POLA2: variants seen among roughly 807,000 people sequenced by gnomAD.
The protein encoded by POLA2 is DNA polymerase alpha subunit B.
A neutral mutation model predicts 82.8 loss-of-function variants in POLA2; 47 were observed. The observed-to-expected ratio is 0.57, with a 90% confidence interval of 0.45 to 0.72. The LOEUF is 0.72. Among genes scored for constraint, POLA2 ranks in the 30% least tolerant of loss-of-function variants. The pLI, the probability that POLA2 is intolerant of heterozygous loss-of-function variation, is 0.00. For missense variants in POLA2, 634 were observed against 728.1 expected (o/e 0.87, Z 1.49); for synonymous variants, 287 against 286.8 (o/e 1.00, Z -0.01).
rs1323918007 is a variant in POLA2 at position 65,278,760 on chromosome 11, A to T, written c.492A>T (p.Arg164=). ...SATPSQKYNS[R]SNRGEVVTSF... ...CTCCCTCCCAGAAATACAACTCACGAAGTAACCGAGGAGAAGTGGTTACCT... is the reference window on the plus strand; with the variant it reads ...CTCCCTCCCAGAAATACAACTCACGTAGTAACCGAGGAGAAGTGGTTACCT... The change falls in exon 6 of 18, where the codon CGA becomes CGT. Residue 164 remains arginine (R), a synonymous_variant. Coordinates refer to ENST00000265465, the MANE Select transcript of POLA2 (RefSeq NM_002689.4). The T allele has an allele frequency of 1.7e-5, 28 of 1,613,682 alleles. No individual in the cohort carries two copies. Among genetic ancestry groups the T allele is most frequent in the Non-Finnish European group, 2.4e-5 (28 of 1,179,952 alleles).
At chr11:65,285,651 G>C (rs558880708) in intron 10 of POLA2, among the ~76,000 whole-genome samples, 13 of 152,110 alleles carry the variant, frequency 8.5e-5, no homozygotes, top group African/African-American at 3.1e-4. Context: ...CTGGTATTAG[G>C]TCAACTTCAG....
Position 65,268,593 on chromosome 11 carries a change from C to T in POLA2, c.297-79C>T, listed in dbSNP as rs987250063. 22 of 833,534 alleles carry T rather than the reference C, an allele frequency of 2.6e-5. 1 individual carries two copies. The highest frequency in any genetic ancestry group is 5.2e-5 in the African/African-American group (3 of 57,294). The allele number at this position is 833,534 out of a possible 1,614,324, so 51.6% of individuals were successfully genotyped here. ...TCCTGATCTCGTGATCCGCCCATCT[C>T]GGCCTCCCAAAGTGCTGGGATTACA... On this transcript the variant is annotated intron_variant, in intron 3 of 17. Coordinates refer to ENST00000265465, the MANE Select transcript of POLA2 (RefSeq NM_002689.4).
Position 65,290,733 on chromosome 11 carries a change from T to A in POLA2, c.1244+861T>A, listed in dbSNP as rs182867818. ...TACTTAGTTCCTTTTCTCACTCCCTTTTGTATAAACTAATATTCCACGGGA... is the reference window on the plus strand; with the variant it reads ...TACTTAGTTCCTTTTCTCACTCCCTATTGTATAAACTAATATTCCACGGGA... On this transcript the variant is annotated intron_variant, in intron 13 of 17. Transcript: ENST00000265465. Among the ~76,000 whole-genome samples the A allele has an allele frequency of 4.6e-3, 704 of 152,340 alleles. 9 individuals carry two copies. Among genetic ancestry groups the A allele is most frequent in the African/African-American group, 0.016 (673 of 41,568 alleles).
At chr11:65,266,849 C>T (rs1296227210) in intron 2 of POLA2, 143 bp downstream of exon 2, 4 of 725,690 alleles carry the variant, frequency 5.5e-6, no homozygotes, top group Admixed American at 5.5e-5. Flanking sequence ...CAAACTATGT[C>T]CCTGAGCCTC....
intron 10 of POLA2, among the ~76,000 whole-genome samples, chr11:65,285,421 G>GT (rs1469951519): frequency 6.6e-6 from 1 of 151,374 alleles, no homozygotes; most frequent in Non-Finnish European, 1.5e-5. Context: ...AATTAGCTGG[G>GT]TGTGGGCATG....
rs755400591 is a variant in POLA2 at position 65,262,404 on chromosome 11, TG to T, written c.79+34del. On this transcript the variant is annotated intron_variant, in intron 1 of 17. Transcript: ENST00000265465. The stretch of plus-strand genomic sequence containing the variant: ...CCGCACCCCTCCCGCCCTGCAGCCG[TG>T]CTCCACGCTCTCGCCCGAGTTCCTC... The T allele has an allele frequency of 7.0e-6, 11 of 1,566,970 alleles. No homozygotes were observed. The South Asian group carries it at 1.3e-4, about 18-fold the overall frequency.
At chr11:65,286,515 G>A (rs556661293) in intron 10 of POLA2, among the ~76,000 whole-genome samples, 5 of 151,720 alleles carry the variant, frequency 3.3e-5, no homozygotes, top group African/African-American at 1.2e-4. Context: ...CAAGTAACTA[G>A]AACTATAGGC....
chr11:65,287,405 C>T (rs550933663), intron 10 of POLA2, among the ~76,000 whole-genome samples: 4 of 152,312 alleles, frequency 2.6e-5, no homozygotes, highest in African/African-American at 4.8e-5. Context: ...AATTCTCAAA[C>T]GTGTTAGCAA....
intron 5 of POLA2, 131 bp from the exon 6 acceptor site, chr11:65,278,599 C>G: frequency 2.7e-6 from 2 of 748,790 alleles, no homozygotes; most frequent in South Asian, 3.5e-5. Flanking sequence ...CCCCATTAAA[C>G]TGATTCAATT....
intron 17 of POLA2, among the ~76,000 whole-genome samples, chr11:65,296,730 T>C (rs1356608604): frequency 6.6e-6 from 1 of 152,096 alleles, no homozygotes; most frequent in Non-Finnish European, 1.5e-5. Context: ...GTGGATCACC[T>C]GAGGTCAGGA....
chr11:65,267,687 G>GTA, intron 3 of POLA2, 119 bp downstream of exon 3: 1 of 568,368 alleles, frequency 1.8e-6, no homozygotes, highest in Non-Finnish European at 3.0e-6. Context: ...GCTCAGGCCT[G>GTA]TAATCCCAGC....
chr11:65,262,412 G>C (rs547954190), intron 1 of POLA2, 41 bp downstream of exon 1: 20 of 1,540,154 alleles, frequency 1.3e-5, no homozygotes, highest in Non-Finnish European at 1.8e-5. Flanking sequence ...CGTGCTCCAC[G>C]CTCTCGCCCG....
downstream of POLA2, among the ~76,000 whole-genome samples, chr11:65,299,134 G>C (rs1949843681): frequency 6.6e-6 from 1 of 152,198 alleles, no homozygotes; most frequent in Non-Finnish European, 1.5e-5. Flanking sequence ...GTCATCCCAG[G>C]TATTCTCAAG....
At chr11:65,276,194 C>T (rs552848032) in intron 5 of POLA2, among the ~76,000 whole-genome samples, 196 bp downstream of exon 5, 1 of 152,120 alleles carries the variant, frequency 6.6e-6, no homozygotes, top group South Asian at 2.1e-4. Context: ...CTGTTTCTTA[C>T]GGTAATTAAG....
At chr11:65,279,370 C>T (rs1002913943) in intron 6 of POLA2, among the ~76,000 whole-genome samples, 168 bp from the exon 7 acceptor site, 3 of 152,090 alleles carry the variant, frequency 2.0e-5, no homozygotes, top group East Asian at 1.9e-4. Context: ...AACCAAATAT[C>T]GGAAAATTGG....
chr11:65,282,796 T>G (rs1031122137), intron 10 of POLA2, among the ~76,000 whole-genome samples: 3 of 152,184 alleles, frequency 2.0e-5, no homozygotes, highest in Non-Finnish European at 4.4e-5. Context: ...AAGGTTGCCT[T>G]GGAAAGGAAA....
chr11:65,271,324 T>C (rs1949519024), intron 4 of POLA2, among the ~76,000 whole-genome samples: 2 of 152,256 alleles, frequency 1.3e-5, no homozygotes, highest in African/African-American at 4.8e-5. Context: ...ACCACGGTTT[T>C]ATCTGGTTAA....
At chr11:65,267,394 C>G in intron 2 of POLA2, 83 bp from the exon 3 acceptor site, 1 of 740,772 alleles carries the variant, frequency 1.3e-6, no homozygotes, top group South Asian at 1.8e-5. Context: ...TTTTGAATAC[C>G]TTTTATTATC....
chr11:65,273,284 C>T (rs551358564), intron 4 of POLA2, among the ~76,000 whole-genome samples: 4 of 152,176 alleles, frequency 2.6e-5, no homozygotes, highest in African/African-American at 9.6e-5. Flanking sequence ...CATGCCACTG[C>T]ACACTCCACC....
Sources: gnomAD v4.1 joint callset for allele counts (sites outside exome capture counted in the v4.1 genomes callset) on GRCh38, gnomAD v4.1.1 for gene constraint, MANE v1.5 for transcripts, NCBI Gene and HGNC (gene_info 2026-07-23, HGNC 2026-07-21) for gene names.